CTNNA2: variants seen among roughly 807,000 people sequenced by gnomAD.
The protein encoded by CTNNA2 is catenin alpha 2, also known as catenin alpha-2.
CTNNA2 carries 42 observed loss-of-function variants against 101.0 expected under a neutral mutation model. The ratio of observed to expected loss-of-function variants is 0.42; its 90% CI spans 0.32 to 0.54. The LOEUF is 0.54. CTNNA2 is among the 20% of genes least tolerant of loss of function. The pLI, the probability that CTNNA2 is intolerant of heterozygous loss-of-function variation, is 0.14. For missense variants in CTNNA2, 871 were observed against 1,223.1 expected (o/e 0.71, Z 4.29); for synonymous variants, 450 against 456.4 (o/e 0.99, Z 0.18).
At chr2:80,122,923 C>T (rs910423556) in intron 7 of CTNNA2, among the ~76,000 whole-genome samples, 1 of 152,084 alleles carries the variant, frequency 6.6e-6, no homozygotes, top group Non-Finnish European at 1.5e-5. Flanking sequence ...GGAACCTTCC[C>T]TCATCCAGGA....
rs139587270 is a variant in CTNNA2 at position 79,981,744 on chromosome 2, C to T, written c.1056+71947C>T. 1.5e-4 allele frequency among the ~76,000 whole-genome samples: 23 copies of T among 152,204 alleles called. No individual in the cohort carries two copies. The East Asian group carries it at 3.5e-3, about 23-fold the overall frequency. On this transcript the variant is annotated intron_variant, in intron 7 of 18. Transcript: ENST00000402739. ...TCAGAAAAGAAAATGTCCAGTCAAA[C>T]TTGCCCATTATTTATTTCGTAAATT...
intron 2 of CTNNA2, among the ~76,000 whole-genome samples, chr2:79,300,884 A>G (rs1676092949): frequency 6.6e-6 from 1 of 152,076 alleles, no homozygotes; most frequent in South Asian, 2.1e-4. Context: ...CTCCCTTTGC[A>G]TGAAGTTCGA....
chr2:80,135,520 G>A (rs181251087), intron 7 of CTNNA2, among the ~76,000 whole-genome samples: 14 of 152,296 alleles, frequency 9.2e-5, no homozygotes, highest in Admixed American at 3.9e-4. Flanking sequence ...GATGTCCCAC[G>A]TCTCTTTTCT....
chr2:79,885,291 T>A (rs769064361), intron 6 of CTNNA2, among the ~76,000 whole-genome samples: 21 of 152,210 alleles, frequency 1.4e-4, no homozygotes, highest in Non-Finnish European at 2.5e-4. Context: ...TTTTCTGTTG[T>A]GCCTCCATTT....
chr2:79,289,488 G>A (rs769873233), intron 2 of CTNNA2, among the ~76,000 whole-genome samples: 7 of 152,280 alleles, frequency 4.6e-5, no homozygotes, highest in South Asian at 2.1e-4. Context: ...CAGGCCAGGC[G>A]TGGTGGCTCA....
chr2:80,173,057 C>A (rs575506015), intron 7 of CTNNA2, among the ~76,000 whole-genome samples: 2 of 152,136 alleles, frequency 1.3e-5, no homozygotes, highest in African/African-American at 4.8e-5. Flanking sequence ...GAATCAGAAC[C>A]TGTACTTATA....
At position 80,362,002 on chromosome 2, in the gene CTNNA2, C is replaced by T. The variant is rs1291768504; in HGVS notation, c.1057-31209C>T. Among the ~76,000 whole-genome samples the T allele has an allele frequency of 2.0e-5, 3 of 152,124 alleles. No homozygotes were observed. The East Asian group carries it at 5.8e-4, about 29-fold the overall frequency. On this transcript the variant is annotated intron_variant, in intron 7 of 18. Coordinates refer to ENST00000402739, the MANE Select transcript of CTNNA2 (RefSeq NM_001282597.3). ...AAGAGGACTTGACAGCACCATTTGT[C>T]ACACACAGTTCAACCTGAATTCACT... is the stretch of plus-strand genomic sequence containing the variant.
At chr2:80,249,436 C>G (rs1020012464) in intron 7 of CTNNA2, among the ~76,000 whole-genome samples, 19 of 152,200 alleles carry the variant, frequency 1.2e-4, no homozygotes, top group Non-Finnish European at 2.5e-4. Context: ...ATCAAAGACA[C>G]TGGCATACTG....
intron 1 of CTNNA2, among the ~76,000 whole-genome samples, chr2:79,624,285 G>T (rs969912596): frequency 6.6e-5 from 10 of 152,150 alleles, no homozygotes; most frequent in African/African-American, 2.4e-4. Context: ...AATGCAAACA[G>T]CTGTAAATTT....
intron 2 of CTNNA2, among the ~76,000 whole-genome samples, chr2:79,201,084 AT>A (rs947716051): frequency 4.6e-5 from 7 of 151,338 alleles, no homozygotes; most frequent in African/African-American, 9.7e-5. Context: ...AAAATAAAAC[AT>A]TTCCCCCCCC....
chr2:80,426,761 G>A (rs1369646175), intron 9 of CTNNA2, among the ~76,000 whole-genome samples: 3 of 151,680 alleles, frequency 2.0e-5, no homozygotes, highest in Non-Finnish European at 2.9e-5. Context: ...CCCCAACAAG[G>A]AATCAGCCAC....
chr2:80,479,004 G>A (rs1685940975), intron 9 of CTNNA2, among the ~76,000 whole-genome samples: 1 of 141,734 alleles, frequency 7.1e-6, no homozygotes. Context: ...TCCAATCCAT[G>A]AGCATGGGTT....
chr2:80,229,853 A>T (rs573415362), intron 7 of CTNNA2, among the ~76,000 whole-genome samples: 6 of 152,250 alleles, frequency 3.9e-5, no homozygotes, highest in Admixed American at 2.6e-4. Flanking sequence ...TTTCACTTTT[A>T]TTGTTTGTAT....
chr2:80,382,112 G>T (rs545020750), intron 7 of CTNNA2, among the ~76,000 whole-genome samples: 1 of 152,138 alleles, frequency 6.6e-6, no homozygotes, highest in Non-Finnish European at 1.5e-5. Flanking sequence ...TGGTGAAGTC[G>T]CAGCGAGCCA....
chr2:79,353,091 G>A (rs1334002952), intron 3 of CTNNA2, among the ~76,000 whole-genome samples: 4 of 152,128 alleles, frequency 2.6e-5, no homozygotes, highest in East Asian at 1.9e-4. Context: ...CAGGACCCAC[G>A]TCCAACACTG....
chr2:79,310,088 T>C (rs1356367006), intron 2 of CTNNA2, among the ~76,000 whole-genome samples: 1 of 152,190 alleles, frequency 6.6e-6, no homozygotes, highest in Non-Finnish European at 1.5e-5. Flanking sequence ...ATCTAATGTA[T>C]CCAATAGCCT....
chr2:79,658,632 G>A (rs1466032892), intron 2 of CTNNA2, among the ~76,000 whole-genome samples: 1 of 151,836 alleles, frequency 6.6e-6, no homozygotes, highest in Non-Finnish European at 1.5e-5. Flanking sequence ...TGAAGCACTG[G>A]CCATCAAAAT....
intron 3 of CTNNA2, among the ~76,000 whole-genome samples, chr2:79,369,926 T>C (rs913364658): frequency 1.3e-5 from 2 of 152,234 alleles, no homozygotes; most frequent in African/African-American, 4.8e-5. Context: ...CCCTGTTTTG[T>C]GTGTTTGCAT....
At chr2:80,004,049 A>G (rs431413) in intron 7 of CTNNA2, among the ~76,000 whole-genome samples, 136,071 of 152,206 alleles carry the variant, frequency 0.89, 61,093 homozygotes, top group African/African-American at 0.94. Context: ...ACTCTTCATA[A>G]GTAAGCCAGG....
Sources: allele counts gnomAD v4.1 joint callset (sites outside exome capture counted in the v4.1 genomes callset), GRCh38; gene constraint gnomAD v4.1.1; transcripts MANE v1.5; gene names NCBI Gene and HGNC (gene_info 2026-07-23, HGNC 2026-07-21).